The following SFMBT1 variants were observed in gnomAD, a reference collection of about 807,000 sequenced individuals.
The protein encoded by SFMBT1 is scm-like with four MBT domains protein 1.
In SFMBT1, 32 loss-of-function variants were observed where a neutral mutation model predicts 108.7. That is an observed-to-expected ratio of 0.29 (90% CI 0.22 to 0.40). The LOEUF (loss-of-function observed/expected upper bound fraction) is 0.40. Ranked by LOEUF, SFMBT1 falls within the 10% of genes least tolerant of loss-of-function variation. The pLI is 1.00. For synonymous variants in SFMBT1, 348 were observed against 369.5 expected, an observed-to-expected ratio of 0.94 and a Z score of 0.67; for missense variants, 816 against 1,059.6, an observed-to-expected ratio of 0.77 and a Z score of 3.19.
chr3:52,997,923 T>C lies in SFMBT1; in HGVS notation c.-130-28665A>G, dbSNP rs549560886. ...GAAGATAACACAACGTGTTGGTCAA[T>C]TGGATCCTTTAAACAATATTTTTTA... On this transcript the variant is annotated intron_variant, in intron 1 of 20. Coordinates refer to ENST00000394752, the MANE Select transcript of SFMBT1 (RefSeq NM_016329.4). Among the ~76,000 whole-genome samples the C allele has an allele frequency of 5.6e-4, 84 of 150,888 alleles. 1 individual carries two copies. The South Asian group carries it at 0.015, about 28-fold the overall frequency.
At chr3:52,906,375 G>C (rs1702065730) in intron 19 of SFMBT1, 134 bp from the exon 20 acceptor site, 1 of 1,339,710 alleles carries the variant, frequency 7.5e-7, no homozygotes, top group Admixed American at 1.9e-5. Flanking sequence ...TCCCAGCAAA[G>C]ATGGCAAAGA....
intron 4 of SFMBT1, among the ~76,000 whole-genome samples, chr3:52,942,101 G>A (rs1703202288): frequency 6.6e-6 from 1 of 151,558 alleles, no homozygotes; most frequent in South Asian, 2.1e-4. Context: ...AAATAGAAAT[G>A]AAAATAAAAA....
chr3:52,934,985 G>T, intron 4 of SFMBT1, 84 bp from the exon 5 acceptor site: 1 of 1,090,674 alleles, frequency 9.2e-7, no homozygotes, highest in Non-Finnish European at 1.4e-6. Context: ...ATGGTTTAAA[G>T]GTATTTCACA....
chr3:52,938,552 T>C (rs1041372221), intron 4 of SFMBT1, among the ~76,000 whole-genome samples: 1 of 152,216 alleles, frequency 6.6e-6, no homozygotes, highest in Admixed American at 6.5e-5. Context: ...AAGCCCTTCG[T>C]TTTCTCTCCT....
intron 1 of SFMBT1, among the ~76,000 whole-genome samples, chr3:52,984,279 T>C (rs1704826036): frequency 6.6e-6 from 1 of 152,228 alleles, no homozygotes; most frequent in African/African-American, 2.4e-5. Flanking sequence ...ATGTTTTCAA[T>C]CAACAAAAGT....
intron 3 of SFMBT1, among the ~76,000 whole-genome samples, chr3:52,954,030 C>A (rs1703687637): frequency 6.6e-6 from 1 of 151,932 alleles, no homozygotes; most frequent in Non-Finnish European, 1.5e-5. Flanking sequence ...GAGGCTGAGG[C>A]AGGAGAATGG....
chr3:53,002,303 G>A (rs923528658), intron 1 of SFMBT1, among the ~76,000 whole-genome samples: 1 of 148,254 alleles, frequency 6.7e-6, no homozygotes, highest in Non-Finnish European at 1.5e-5. Flanking sequence ...GGAGGCTGAG[G>A]CAGGAGAATG....
rs576650353 is a variant in SFMBT1, at chr3:52,937,873, G to T, written c.365-2972C>A. Among the ~76,000 whole-genome samples the T allele has an allele frequency of 3.3e-5, 5 of 152,138 alleles. No individual in the cohort carries two copies. In the East Asian group the frequency reaches 9.6e-4, roughly 29 times the overall value. ...TGGGATTACAGGAGTGAGCCACTGC[G>T]CCTGGCCAACGATTTACTCTTTTAT... On this transcript the variant is annotated intron_variant, in intron 4 of 20. Coordinates refer to ENST00000394752, the MANE Select transcript of SFMBT1 (RefSeq NM_016329.4).
chr3:52,975,695 A>C (rs1360537029), intron 1 of SFMBT1, among the ~76,000 whole-genome samples: 1 of 152,138 alleles, frequency 6.6e-6, no homozygotes, highest in Non-Finnish European at 1.5e-5. Context: ...TCCACCTCCC[A>C]GGCTCAAGCA....
intron 3 of SFMBT1, among the ~76,000 whole-genome samples, chr3:52,944,518 T>A (rs566469141): frequency 3.2e-4 from 48 of 152,332 alleles, no homozygotes; most frequent in Non-Finnish European, 5.3e-4. Flanking sequence ...GATTTCTTTC[T>A]TTTCTTTTTT....
rs189618987 is a variant in SFMBT1 at position 52,951,781 on chromosome 3, G to A, written c.123+2536C>T. Among the ~76,000 whole-genome samples, 242 of 152,212 alleles carry A rather than the reference G, an allele frequency of 1.6e-3. 1 individual carries two copies. Among genetic ancestry groups the A allele is most frequent in the African/African-American group, 5.5e-3 (227 of 41,522 alleles). The stretch of plus-strand genomic sequence containing the variant: ...CTTTAAGCGGTTTTCTGCCCTGGGC[G>A]GGCCAGGTGTTCCTTGCCCTCATTC... On this transcript the variant is annotated intron_variant, in intron 3 of 20. Transcript: ENST00000394752.
At chr3:52,987,770 G>A (rs1575421586) in intron 1 of SFMBT1, among the ~76,000 whole-genome samples, 1 of 152,316 alleles carries the variant, frequency 6.6e-6, no homozygotes, top group Non-Finnish European at 1.5e-5. Flanking sequence ...GAGTAACCAA[G>A]AGTCTGGATG....
At chr3:53,027,530 T>G (rs143112494) in intron 1 of SFMBT1, among the ~76,000 whole-genome samples, 2 of 152,296 alleles carry the variant, frequency 1.3e-5, no homozygotes, top group African/African-American at 2.4e-5. Flanking sequence ...ATGAGAAAAT[T>G]CAACTTTTTA....
chr3:52,922,902 G>A (rs11130331), intron 10 of SFMBT1, among the ~76,000 whole-genome samples: 81,822 of 151,960 alleles, frequency 0.54, 23,064 homozygotes, highest in Middle Eastern at 0.63. Context: ...TACCCACCAG[G>A]CAGGGGACTA....
chr3:53,028,702 G>C (rs1699577979), intron 1 of SFMBT1, among the ~76,000 whole-genome samples: 1 of 152,094 alleles, frequency 6.6e-6, no homozygotes, highest in Non-Finnish European at 1.5e-5. Context: ...AAAATTACCT[G>C]CTAGAACACA....
Position 52,911,054 on chromosome 3 carries a change from C to G in SFMBT1, c.1855G>C (p.Val619Leu). The G allele has an allele frequency of 3.7e-6, 6 of 1,614,200 alleles. No individual in the cohort carries two copies. Among genetic ancestry groups the G allele is most frequent in the Non-Finnish European group, 5.1e-6 (6 of 1,180,034 alleles). ...CAGTTCTCAGAACACTTATCCAGAA[C>G]CATCCGTGGACCGAAGAGGTTAGGA... ...CCPNLFGPRM[V>L]LDKCSENCSV... The change falls in exon 17 of 21, where the codon GTT becomes CTT. Residue 619 changes from valine to leucine, a missense_variant. Transcript: ENST00000394752.
intron 19 of SFMBT1, 86 bp from the exon 20 acceptor site, chr3:52,906,327 T>C (rs1702065242): frequency 7.5e-6 from 12 of 1,597,350 alleles, no homozygotes; most frequent in Non-Finnish European, 1.0e-5. Context: ...TCATAATCTT[T>C]CAAGACATGA....
chr3:52,905,966 C>CT, intron 20 of SFMBT1, 147 bp downstream of exon 20: 1 of 883,532 alleles, frequency 1.1e-6, no homozygotes, highest in Non-Finnish European at 1.7e-6. Context: ...TTTTTATCAT[C>CT]TTTGACTCCT....
chr3:52,914,649 TAGG>T (rs918491540), intron 14 of SFMBT1, among the ~76,000 whole-genome samples: 1 of 152,106 alleles, frequency 6.6e-6, no homozygotes, highest in Non-Finnish European at 1.5e-5. Flanking sequence ...GAGGCTGATG[TAGG>T]AGGACAGCTT....
Sources: gnomAD v4.1 joint callset for allele counts (sites outside exome capture counted in the v4.1 genomes callset) on GRCh38, gnomAD v4.1.1 for gene constraint, MANE v1.5 for transcripts, NCBI Gene and HGNC (gene_info 2026-07-23, HGNC 2026-07-21) for gene names.